EDN3: variants seen among roughly 807,000 people sequenced by gnomAD.
EDN3 encodes endothelin-3.
In EDN3, 9 loss-of-function variants were observed where a neutral mutation model predicts 21.4. The ratio of observed to expected loss-of-function variants is 0.42; its 90% confidence interval spans 0.25 to 0.73. EDN3 has a LOEUF of 0.73. Among genes scored for constraint, EDN3 ranks in the 30% least tolerant of loss-of-function variants. The pLI, the probability that EDN3 is intolerant of heterozygous loss-of-function variation, is 0.26. For synonymous variants in EDN3, 133 were observed against 126.2 expected (o/e 1.05, Z -0.36); for missense variants, 327 against 309.4 (o/e 1.06, Z -0.43).
intron 1 of EDN3, 33 bp from the exon 2 acceptor site, chr20:59,301,377 C>T: frequency 1.2e-6 from 2 of 1,600,868 alleles, no homozygotes; most frequent in African/African-American, 1.3e-5. Context: ...TCTGCACACT[C>T]AGCTTAGGAG....
chr20:59,304,829 C>A (rs1233262352), intron 2 of EDN3, among the ~76,000 whole-genome samples: 1 of 152,184 alleles, frequency 6.6e-6, no homozygotes, highest in South Asian at 2.1e-4. Context: ...CCTCCTTAGT[C>A]CTTCCAGACC....
chr20:59,307,270 C>T (rs991808565), intron 2 of EDN3, among the ~76,000 whole-genome samples: 2 of 126,888 alleles, frequency 1.6e-5, no homozygotes, highest in Non-Finnish European at 3.5e-5. Context: ...CATGAATAGT[C>T]TGCTACTAAT....
At chr20:59,314,433 A>C in intron 2 of EDN3, among the ~76,000 whole-genome samples, 1 of 152,098 alleles carries the variant, frequency 6.6e-6, no homozygotes, top group African/African-American at 2.4e-5. Flanking sequence ...TTGGAAGGAC[A>C]CGGGAAAGCT....
At chr20:59,316,704 T>G (rs1324558855) in intron 2 of EDN3, among the ~76,000 whole-genome samples, 3 of 152,186 alleles carry the variant, frequency 2.0e-5, no homozygotes, top group Non-Finnish European at 4.4e-5. Flanking sequence ...AATTTAATAT[T>G]TAATAACACT....
In EDN3 at chr20:59,304,379, C is replaced by T. The variant is rs118053235; in HGVS notation, c.365+2657C>T. ...CACATGTTCCCCTCTCCTGCTGTCA[C>T]GCCCTCTTCATTCATGGACTGGTCT... is the stretch of plus-strand genomic sequence containing the variant. On this transcript the variant is annotated intron_variant, in intron 2 of 4. Transcript: ENST00000337938. Among the ~76,000 whole-genome samples, 7 of 152,318 alleles carry T rather than the reference C, an allele frequency of 4.6e-5. No individual in the cohort carries two copies. The East Asian group carries it at 5.8e-4, about 13-fold the overall frequency.
At chr20:59,314,021 G>A (rs571990235) in intron 2 of EDN3, among the ~76,000 whole-genome samples, 13 of 152,270 alleles carry the variant, frequency 8.5e-5, no homozygotes, top group East Asian at 1.9e-4. Context: ...ATGAGCGTCC[G>A]GGGGTGGGCT....
At chr20:59,311,570 A>C (rs1989816013) in intron 2 of EDN3, among the ~76,000 whole-genome samples, 1 of 151,820 alleles carries the variant, frequency 6.6e-6, no homozygotes, top group Non-Finnish European at 1.5e-5. Flanking sequence ...TTAGTGGCTA[A>C]TGCATTATAA....
chr20:59,301,562 A>C lies in EDN3; in HGVS notation c.205A>C (p.Thr69Pro). ...CCCTGGCGAGGGGACTGTGGCCCCG[A>C]CAGCACTGCAGGGTCCAAGCCCTGG... ...AGPGEGTVAP[T>P]ALQGPSPGSP... Residue 69 changes from threonine (T) to proline (P), a missense_variant, in exon 2 of 5, where the codon ACA becomes CCA. Thr to Pro is a conservative substitution (Grantham distance 38). Transcript: ENST00000337938. The C allele has an allele frequency of 6.2e-7, 1 of 1,613,372 alleles. No homozygotes were observed. The highest frequency in any genetic ancestry group is 8.5e-7 in the Non-Finnish European group (1 of 1,179,802).
intron 2 of EDN3, among the ~76,000 whole-genome samples, chr20:59,316,029 C>CA: frequency 6.6e-6 from 1 of 152,062 alleles, no homozygotes; most frequent in African/African-American, 2.4e-5. Flanking sequence ...ACTAAAAATA[C>CA]AAAAAAATTA....
intron 2 of EDN3, among the ~76,000 whole-genome samples, chr20:59,309,771 C>T (rs998138913): frequency 1.3e-5 from 2 of 152,180 alleles, no homozygotes; most frequent in African/African-American, 4.8e-5. Flanking sequence ...TTGGAAAGGT[C>T]AGTCCTACGA....
intron 3 of EDN3, among the ~76,000 whole-genome samples, chr20:59,321,608 A>AG (rs148681039): frequency 0.1 from 15,754 of 151,802 alleles, 994 homozygotes; most frequent in Middle Eastern, 0.15. Context: ...GCTTATTGGG[A>AG]GGGGGGGGAA....
intron 2 of EDN3, among the ~76,000 whole-genome samples, chr20:59,307,020 C>A (rs1230148305): frequency 3.9e-5 from 6 of 152,238 alleles, no homozygotes; most frequent in Admixed American, 3.9e-4. Context: ...TGGCATGTGC[C>A]TGTAGTCCCA....
At chr20:59,319,553 T>C (rs2146873734) in intron 2 of EDN3, among the ~76,000 whole-genome samples, 1 of 151,608 alleles carries the variant, frequency 6.6e-6, no homozygotes, top group African/African-American at 2.4e-5. Flanking sequence ...CTACTAAAAA[T>C]ACAAATAATA....
At chr20:59,306,311 A>T (rs1989406153) in intron 2 of EDN3, among the ~76,000 whole-genome samples, 1 of 152,002 alleles carries the variant, frequency 6.6e-6, no homozygotes, top group Non-Finnish European at 1.5e-5. Flanking sequence ...TGTGGAGAAG[A>T]CTCCAGAACC....
intron 2 of EDN3, among the ~76,000 whole-genome samples, chr20:59,320,360 CAG>C (rs1990450324): frequency 6.6e-6 from 1 of 152,254 alleles, no homozygotes; most frequent in African/African-American, 2.4e-5. Flanking sequence ...GGAAGAAATT[CAG>C]TCAGAAACCT....
chr20:59,300,801 T>C lies in EDN3; in HGVS notation c.-12T>C. The C allele has an allele frequency of 6.2e-7, 1 of 1,609,292 alleles. No individual in the cohort carries two copies. Among genetic ancestry groups the C allele is most frequent in the Non-Finnish European group, 8.5e-7 (1 of 1,178,846 alleles). ...CCTCCTGGTCCGGTGCTCCGGCGCC[T>C]GATCTAGGTTCATGGAGCCGGGGCT... On this transcript the variant is annotated 5_prime_UTR_variant, in exon 1 of 5. Transcript: ENST00000337938.
intron 2 of EDN3, among the ~76,000 whole-genome samples, chr20:59,313,746 A>T (rs1391530930): frequency 2.0e-5 from 3 of 152,212 alleles, no homozygotes; most frequent in African/African-American, 7.2e-5. Flanking sequence ...AAAGCTATGA[A>T]TTGCCGGTTC....
rs139915682 is a variant in EDN3 at position 59,319,558 on chromosome 20, A to T, written c.366-1459A>T. On this transcript the variant is annotated intron_variant, in intron 2 of 4. Transcript: ENST00000337938. The stretch of plus-strand genomic sequence containing the variant: ...AACCCTGTCTCTACTAAAAATACAA[A>T]TAATAACAATAATAATAATTAGCCG... 4.6e-3 allele frequency among the ~76,000 whole-genome samples: 700 copies of T among 152,036 alleles called. 4 individuals carry two copies. The highest frequency in any genetic ancestry group is 0.015 in the African/African-American group (638 of 41,454).
At position 59,322,580 on chromosome 20, in the gene EDN3, G is replaced by C; in HGVS notation, c.588+163G>C. ...GCACCCACAAGCAATGGTGCCTTTG[G>C]TGGACCGTTTCTGGGGGCAGAGCGG... On this transcript the variant is annotated intron_variant, in intron 4 of 4. Transcript: ENST00000337938. The surrounding 1 kb of genome is among the most constrained non-coding windows in gnomAD (Gnocchi z 4.1). 1.0e-6 allele frequency: 1 copy of C among 977,392 alleles called. No individual in the cohort carries two copies. Among genetic ancestry groups the C allele is most frequent in the Admixed American group, 2.0e-5 (1 of 50,324 alleles). 60.5% of individuals were successfully genotyped at this position (977,392 alleles called of 1,614,324 possible).
Sources: allele counts gnomAD v4.1 joint callset (sites outside exome capture counted in the v4.1 genomes callset), GRCh38; gene constraint gnomAD v4.1.1; non-coding constraint Gnocchi (gnomAD v3.1); transcripts MANE v1.5; gene names NCBI Gene and HGNC (gene_info 2026-07-23, HGNC 2026-07-21).